Variants in STK38L observed in about 807,000 individuals in gnomAD.
The protein encoded by STK38L is serine/threonine kinase 38 like, also known as serine/threonine-protein kinase 38-like.
Under a neutral mutation model 59.7 loss-of-function variants are expected in STK38L, and 28 were observed. The observed-to-expected ratio is 0.47, with a 90% CI of 0.35 to 0.64. The LOEUF is 0.64. STK38L is among the 30% of genes least tolerant of loss of function. The probability of loss-of-function intolerance (pLI) is 0.01; values close to 1 mark genes in which losing one functional copy is unlikely to be tolerated. For missense variants in STK38L, 314 were observed against 555.8 expected (o/e 0.56, Z 4.37); for synonymous variants, 162 against 176.8 (o/e 0.92, Z 0.66).
At chr12:27,253,561 A>T (rs1943022594) in intron 1 of STK38L, among the ~76,000 whole-genome samples, 1 of 152,198 alleles carries the variant, frequency 6.6e-6, no homozygotes. Flanking sequence ...TGGGCAGGTG[A>T]CTGGAGAGCT....
chr12:27,317,285 GAT>G, intron 9 of STK38L, 49 bp from the exon 10 acceptor site: 8 of 1,314,604 alleles, frequency 6.1e-6, no homozygotes, highest in Non-Finnish European at 8.6e-6. Flanking sequence ...TCCTCAGATA[GAT>G]ATTTTTTAAA....
chr12:27,264,167 A>G (rs1943256876), intron 1 of STK38L, among the ~76,000 whole-genome samples: 1 of 152,218 alleles, frequency 6.6e-6, no homozygotes, highest in African/African-American at 2.4e-5. Flanking sequence ...TGGTAGAAAA[A>G]GGAAAGCTTT....
intron 1 of STK38L, among the ~76,000 whole-genome samples, chr12:27,279,937 G>A (rs1047905190): frequency 2.6e-5 from 4 of 152,076 alleles, no homozygotes; most frequent in African/African-American, 7.2e-5. Context: ...TCCAATTACT[G>A]GCTGTAGGTC....
At chr12:27,301,818 A>G (rs981324588) in intron 2 of STK38L, among the ~76,000 whole-genome samples, 9 of 152,158 alleles carry the variant, frequency 5.9e-5, no homozygotes, top group Non-Finnish European at 1.0e-4. Flanking sequence ...GGAAATATTA[A>G]TGATATTGGT....
intron 1 of STK38L, among the ~76,000 whole-genome samples, chr12:27,282,375 T>G (rs1323900747): frequency 6.6e-6 from 1 of 152,218 alleles, no homozygotes; most frequent in Non-Finnish European, 1.5e-5. Context: ...GATAGTTACA[T>G]TGTTCAATTA....
intron 1 of STK38L, among the ~76,000 whole-genome samples, chr12:27,257,246 A>G (rs538563643): frequency 6.6e-6 from 1 of 152,316 alleles, no homozygotes; most frequent in South Asian, 2.1e-4. Flanking sequence ...CAAATGGGTA[A>G]TCTTAATGGG....
rs534964382 is a variant in STK38L at position 27,290,902 on chromosome 12, A to G, written c.-11-6808A>G. Among the ~76,000 whole-genome samples, 16 of 152,338 alleles carry G rather than the reference A, an allele frequency of 1.1e-4. No individual in the cohort carries two copies. In the South Asian group the frequency reaches 1.7e-3, roughly 16 times the overall value. ...TAAATTGTAGCACAAGCCTAACAAA[A>G]TGATTCTGCAGGCTACCAGGTTGTA... On this transcript the variant is annotated intron_variant, in intron 1 of 13. Transcript: ENST00000389032.
chr12:27,262,279 A>G (rs1236589343), intron 1 of STK38L, among the ~76,000 whole-genome samples: 4 of 152,242 alleles, frequency 2.6e-5, no homozygotes, highest in Non-Finnish European at 4.4e-5. Context: ...GAAACTAAAT[A>G]CAAATTATGT....
chr12:27,308,680 G>A lies in STK38L; in HGVS notation c.309+219G>A, dbSNP rs1030153523. ...ATAAAAATACAAAAATTAGCTGGGC[G>A]TGGTGGTGGGCACCTGTAATCCCAG... On this transcript the variant is annotated intron_variant, in intron 4 of 13. Coordinates refer to ENST00000389032, the MANE Select transcript of STK38L (RefSeq NM_015000.4). This position sits in a 1 kb window ranked among gnomAD's most constrained non-coding sequence, Gnocchi z 4.5. 4.0e-5 allele frequency among the ~76,000 whole-genome samples: 6 copies of A among 151,526 alleles called. No individual in the cohort carries two copies. The highest frequency in any genetic ancestry group is 9.7e-5 in the African/African-American group (4 of 41,284).
In STK38L at chr12:27,322,481, AAG is replaced by A; in HGVS notation, c.*30_*31del. 6.2e-7 allele frequency: 1 copy of A among 1,604,280 alleles called. No individual in the cohort carries two copies. Among genetic ancestry groups the A allele is most frequent in the African/African-American group, 1.3e-5 (1 of 74,378 alleles). On this transcript the variant is annotated 3_prime_UTR_variant, in exon 14 of 14. Coordinates refer to ENST00000389032, the MANE Select transcript of STK38L (RefSeq NM_015000.4). ...ATGAAGATAACATTCACCCATAACCAAGAGAACTCAGGTAGCTGCATCACCAG... is the reference window on the plus strand; with the variant it reads ...ATGAAGATAACATTCACCCATAACCAAGAACTCAGGTAGCTGCATCACCAG...
rs924840928 is a variant in STK38L at position 27,279,507 on chromosome 12, C to T, written c.-11-18203C>T. Among the ~76,000 whole-genome samples the T allele has an allele frequency of 1.3e-4, 20 of 152,056 alleles. 1 individual carries two copies. The highest frequency in any genetic ancestry group is 4.8e-4 in the African/African-American group (20 of 41,458). On this transcript the variant is annotated intron_variant, in intron 1 of 13. Coordinates refer to ENST00000389032, the MANE Select transcript of STK38L (RefSeq NM_015000.4). Reference sequence around the variant, plus strand: ...TGGGAGGCCGAGGCGGGTGGATCACCTGAGGTCAGGCGTTCAAGACCACCC... The same window carrying T: ...TGGGAGGCCGAGGCGGGTGGATCACTTGAGGTCAGGCGTTCAAGACCACCC...
In STK38L at chr12:27,308,095, C is replaced by CATATATAT. The variant is rs60309554; in HGVS notation, c.187-236_187-229dup. Among the ~76,000 whole-genome samples the CATATATAT allele has an allele frequency of 1.0e-4, 15 of 150,032 alleles. No individual in the cohort carries two copies. The highest frequency in any genetic ancestry group is 4.2e-4 in the South Asian group (2 of 4,778). On this transcript the variant is annotated intron_variant, in intron 3 of 13. Transcript: ENST00000389032. This position sits in a 1 kb window ranked among gnomAD's most constrained non-coding sequence, Gnocchi z 4.5. ...CATATAGATGAAAGAATAAGTTATA[C>CATATATAT]ATATATATATATATAGACAAATATG...
At chr12:27,298,156 C>A (rs539889714) in intron 2 of STK38L, 32 of 219,406 alleles carry the variant, frequency 1.5e-4, no homozygotes, top group Admixed American at 8.4e-4. Flanking sequence ...GGATGCCTGG[C>A]TTGGTGTGGT....
chr12:27,258,097 TC>T (rs895872671), intron 1 of STK38L, among the ~76,000 whole-genome samples: 20 of 151,920 alleles, frequency 1.3e-4, no homozygotes, highest in Admixed American at 6.6e-4. Context: ...CCTCAAGTGA[TC>T]CACCCACCTC....
At chr12:27,274,012 T>G (rs1429826187) in intron 1 of STK38L, among the ~76,000 whole-genome samples, 1 of 152,044 alleles carries the variant, frequency 6.6e-6, no homozygotes, top group Non-Finnish European at 1.5e-5. Flanking sequence ...CCCAGCACCT[T>G]GGGAGGCTGA....
At chr12:27,250,300 T>G (rs1474852424) in intron 1 of STK38L, among the ~76,000 whole-genome samples, 2 of 152,194 alleles carry the variant, frequency 1.3e-5, no homozygotes, top group Admixed American at 1.3e-4. Flanking sequence ...TTGACTGCAT[T>G]TCTCTTGATT....
chr12:27,286,328 CCTA>C (rs1943771923), intron 1 of STK38L, among the ~76,000 whole-genome samples: 4 of 152,074 alleles, frequency 2.6e-5, no homozygotes, highest in African/African-American at 9.7e-5. Context: ...TGGTTGTTTT[CCTA>C]TTATTGAAAA....
At chr12:27,320,407 T>C (rs1243365688) in intron 12 of STK38L, among the ~76,000 whole-genome samples, 1 of 151,168 alleles carries the variant, frequency 6.6e-6, no homozygotes, top group East Asian at 1.9e-4. Flanking sequence ...GCTGGAACTA[T>C]AGGCATGTGC....
rs537818170 is a variant in STK38L, at chr12:27,275,642, T to A, written c.-11-22068T>A. ...GCATGAGCCACCACGCCCGGACTGA[T>A]TAGAGTGCATCTTGAAGGCAGAGAT... On this transcript the variant is annotated intron_variant, in intron 1 of 13. Transcript: ENST00000389032. Among the ~76,000 whole-genome samples, 8 of 152,246 alleles carry A rather than the reference T, an allele frequency of 5.3e-5. No individual in the cohort carries two copies. The East Asian group carries it at 1.5e-3, about 29-fold the overall frequency.
Sources: allele counts gnomAD v4.1 joint callset (sites outside exome capture counted in the v4.1 genomes callset), GRCh38; gene constraint gnomAD v4.1.1; non-coding constraint Gnocchi (gnomAD v3.1); transcripts MANE v1.5; gene names NCBI Gene and HGNC (gene_info 2026-07-23, HGNC 2026-07-21).